The following WIPF1 variants were observed in gnomAD, a reference collection of about 807,000 sequenced individuals.
WIPF1 encodes the protein WAS/WASL interacting protein family member 1.
In WIPF1, 13 loss-of-function variants were observed where a neutral mutation model predicts 35.4. That is an observed-to-expected ratio of 0.37 (90% CI 0.24 to 0.58). WIPF1 has a LOEUF of 0.58. Among genes scored for constraint, WIPF1 ranks in the 20% least tolerant of loss-of-function variants. WIPF1 has a pLI of 0.74. For missense variants in WIPF1, 591 were observed against 667.0 expected, an observed-to-expected ratio of 0.89 and a Z score of 1.25; for synonymous variants, 267 against 266.3, an observed-to-expected ratio of 1.00 and a Z score of -0.02.
intron 1 of WIPF1, among the ~76,000 whole-genome samples, chr2:174,610,211 A>G (rs896732683): frequency 5.3e-5 from 8 of 152,216 alleles, no homozygotes; most frequent in African/African-American, 1.9e-4. Flanking sequence ...CTTTAACTCC[A>G]AATACGTATG....
At chr2:174,613,472 TC>T in intron 1 of WIPF1, among the ~76,000 whole-genome samples, 1 of 152,230 alleles carries the variant, frequency 6.6e-6, no homozygotes, top group East Asian at 1.9e-4. Context: ...ACAACTGATC[TC>T]CTTTCCACCT....
At chr2:174,648,703 T>C (rs1687470873) in intron 1 of WIPF1, among the ~76,000 whole-genome samples, 1 of 152,156 alleles carries the variant, frequency 6.6e-6, no homozygotes, top group Non-Finnish European at 1.5e-5. Flanking sequence ...CAACAAAGAA[T>C]ATACAGGGGG....
chr2:174,563,288 C>T (rs1684543213), intron 7 of WIPF1, among the ~76,000 whole-genome samples: 2 of 152,154 alleles, frequency 1.3e-5, no homozygotes, highest in South Asian at 2.1e-4. Flanking sequence ...AAGTTATTCA[C>T]GGCCCAGTTG....
At chr2:174,615,919 G>A (rs1178146331) in intron 1 of WIPF1, among the ~76,000 whole-genome samples, 1 of 152,210 alleles carries the variant, frequency 6.6e-6, no homozygotes, top group Non-Finnish European at 1.5e-5. Context: ...ATTAGTGGAT[G>A]AGAAATCATT....
At chr2:174,664,437 C>T (rs1024345200) in intron 1 of WIPF1, among the ~76,000 whole-genome samples, 1 of 152,232 alleles carries the variant, frequency 6.6e-6, no homozygotes, top group Admixed American at 6.5e-5. Flanking sequence ...GAGTGGTCTG[C>T]AAGCACCCTC....
chr2:174,574,576 C>A (rs1181152423), intron 4 of WIPF1, among the ~76,000 whole-genome samples: 1 of 152,166 alleles, frequency 6.6e-6, no homozygotes, highest in Non-Finnish European at 1.5e-5. Context: ...TGGGAGAGAG[C>A]CTCATGCCCT....
intron 1 of WIPF1, among the ~76,000 whole-genome samples, chr2:174,680,190 A>T (rs185650761): frequency 7.2e-5 from 11 of 152,204 alleles, no homozygotes; most frequent in Admixed American, 3.9e-4. Context: ...CGCAGACTTC[A>T]TCTCTTTCTG....
At chr2:174,652,582 G>A (rs7590411) in intron 1 of WIPF1, among the ~76,000 whole-genome samples, 32 of 152,128 alleles carry the variant, frequency 2.1e-4, no homozygotes, top group African/African-American at 6.0e-4. Flanking sequence ...TCAGATGCCC[G>A]AGGTTAAATT....
intron 1 of WIPF1, among the ~76,000 whole-genome samples, chr2:174,646,005 C>T (rs1460091439): frequency 2.0e-5 from 3 of 152,168 alleles, no homozygotes; most frequent in East Asian, 1.9e-4. Flanking sequence ...CGTAGCAGAA[C>T]GACAGTACTG....
rs1559142457 is a variant in WIPF1, at chr2:174,560,122, T to G, written c.*2425A>C. On this transcript the variant is annotated 3_prime_UTR_variant, in exon 8 of 8. Transcript: ENST00000679041. ...AAAAAAACACACATGTAAGCTCTGA[T>G]TTCAGGGAAGAAAAATTCATTTTTG... 1.3e-5 allele frequency: 2 copies of G among 152,654 alleles called. No homozygotes were observed. Among genetic ancestry groups the G allele is most frequent in the Non-Finnish European group, 2.9e-5 (2 of 68,032 alleles). 9.5% of individuals were successfully genotyped at this position (152,654 alleles called of 1,614,324 possible).
chr2:174,655,431 A>T (rs1009710492), intron 1 of WIPF1: 12 of 152,184 alleles, frequency 7.9e-5, no homozygotes, highest in Admixed American at 4.6e-4. Flanking sequence ...TACTTAGCTT[A>T]TAACATGTGA....
chr2:174,568,766 C>T (rs538940594), intron 5 of WIPF1: 2 of 152,260 alleles, frequency 1.3e-5, no homozygotes, highest in Non-Finnish European at 2.9e-5. Flanking sequence ...ACTTGGTTTC[C>T]TAGCTGTAAA....
intron 1 of WIPF1, among the ~76,000 whole-genome samples, chr2:174,644,228 A>C (rs1687355090): frequency 6.6e-6 from 1 of 152,160 alleles, no homozygotes; most frequent in African/African-American, 2.4e-5. Flanking sequence ...TTTTTTCAAG[A>C]GATCAAATAC....
intron 1 of WIPF1, among the ~76,000 whole-genome samples, chr2:174,667,013 A>G (rs1249628405): frequency 7.2e-5 from 11 of 152,130 alleles, no homozygotes; most frequent in African/African-American, 2.7e-4. Context: ...GAGCAGCTGC[A>G]CTCCCTGAAA....
intron 1 of WIPF1, among the ~76,000 whole-genome samples, chr2:174,609,318 A>G (rs1222701069): frequency 6.6e-6 from 1 of 152,242 alleles, no homozygotes; most frequent in Admixed American, 6.5e-5. Flanking sequence ...GCACTGTTGT[A>G]TTCATTCCCT....
intron 1 of WIPF1, among the ~76,000 whole-genome samples, chr2:174,619,084 G>A (rs931032131): frequency 2.0e-5 from 3 of 152,012 alleles, no homozygotes; most frequent in Non-Finnish European, 4.4e-5. Context: ...CTCCTGAGTA[G>A]CTGGGACCAC....
chr2:174,594,952 C>T (rs1170054967), intron 1 of WIPF1, among the ~76,000 whole-genome samples: 1 of 150,646 alleles, frequency 6.6e-6, no homozygotes, highest in Non-Finnish European at 1.5e-5. Flanking sequence ...GGAAAAGCAC[C>T]TCAAGAAATC....
At chr2:174,577,917 C>CAAAAA (rs35709277) in intron 3 of WIPF1, among the ~76,000 whole-genome samples, 1 of 145,080 alleles carries the variant, frequency 6.9e-6, no homozygotes, top group African/African-American at 2.6e-5. Flanking sequence ...ACCCTGTCTC[C>CAAAAA]AAAAAAAAAA....
At chr2:174,650,780 T>G (rs1687519336) in intron 1 of WIPF1, among the ~76,000 whole-genome samples, 2 of 152,242 alleles carry the variant, frequency 1.3e-5, no homozygotes, top group African/African-American at 2.4e-5. Context: ...AATGTGCGCA[T>G]GAGCTCTTTC....
Sources: allele counts gnomAD v4.1 joint callset (sites outside exome capture counted in the v4.1 genomes callset), GRCh38; gene constraint gnomAD v4.1.1; transcripts MANE v1.5; gene names NCBI Gene and HGNC (gene_info 2026-07-23, HGNC 2026-07-21).